KDM1A: variants seen among roughly 807,000 people sequenced by gnomAD.
The protein encoded by KDM1A is lysine-specific histone demethylase 1A.
KDM1A carries 49 observed loss-of-function variants against 109.4 expected under a neutral mutation model. The ratio of observed to expected loss-of-function variants is 0.45; its 90% confidence interval spans 0.36 to 0.57. The LOEUF (loss-of-function observed/expected upper bound fraction) is 0.57. KDM1A is among the 20% of genes least tolerant of loss of function. The pLI is 0.00. For synonymous variants in KDM1A, 380 were observed against 415.4 expected, an observed-to-expected ratio of 0.91 and a Z score of 1.04; for missense variants, 668 against 1,116.6, an observed-to-expected ratio of 0.60 and a Z score of 5.73.
At chr1:23,081,023 GAC>G (rs1330511579) in intron 18 of KDM1A, 1 of 160,370 alleles carries the variant, frequency 6.2e-6, no homozygotes, top group Admixed American at 6.2e-5. Flanking sequence ...GGTGACTGAA[GAC>G]AGTCCTGGGC....
chr1:23,070,568 G>A (rs1643287321), intron 12 of KDM1A, among the ~76,000 whole-genome samples: 1 of 152,110 alleles, frequency 6.6e-6, no homozygotes, highest in Non-Finnish European at 1.5e-5. Flanking sequence ...CAGCACTTTG[G>A]GAGGCCGAGG....
At chr1:23,065,383 A>G (rs1643132622) in intron 9 of KDM1A, among the ~76,000 whole-genome samples, 1 of 152,206 alleles carries the variant, frequency 6.6e-6, no homozygotes, top group South Asian at 2.1e-4. Flanking sequence ...AAAGGTATTA[A>G]AAAGCACATT....
intron 20 of KDM1A, 58 bp downstream of exon 20, chr1:23,082,424 T>C (rs1569835238): frequency 7.1e-7 from 1 of 1,400,502 alleles, no homozygotes; most frequent in Non-Finnish European, 9.5e-7. Flanking sequence ...TCTCATGATG[T>C]CCCTGATTTT....
At chr1:23,077,385 A>C in intron 16 of KDM1A, 25 bp downstream of exon 16, 4 of 1,600,992 alleles carry the variant, frequency 2.5e-6, no homozygotes, top group Non-Finnish European at 3.4e-6. Context: ...TACAAAAGGT[A>C]AGAGAGAACT....
intron 1 of KDM1A, among the ~76,000 whole-genome samples, chr1:23,026,110 A>G (rs1183630984): frequency 1.3e-5 from 2 of 152,144 alleles, no homozygotes; most frequent in Non-Finnish European, 2.9e-5. Context: ...AATAAAAATA[A>G]AAAAGGCAGT....
chr1:23,042,608 A>C (rs1304527689), intron 2 of KDM1A, among the ~76,000 whole-genome samples: 1 of 147,450 alleles, frequency 6.8e-6, no homozygotes, highest in Non-Finnish European at 1.5e-5. Context: ...GCCCGCCACT[A>C]CTCCCGGCTA....
chr1:23,033,499 G>A (rs1238798903), intron 2 of KDM1A, among the ~76,000 whole-genome samples: 1 of 151,998 alleles, frequency 6.6e-6, no homozygotes, highest in Non-Finnish European at 1.5e-5. Context: ...TCCAGTCTTT[G>A]TGAGAGCAAG....
intron 9 of KDM1A, among the ~76,000 whole-genome samples, chr1:23,062,537 G>T (rs1643029271): frequency 6.6e-6 from 1 of 152,224 alleles, no homozygotes; most frequent in Middle Eastern, 3.2e-3. Context: ...ACTAGTAATA[G>T]TGTCTTAAGG....
At chr1:23,036,986 T>C (rs530831812) in intron 2 of KDM1A, among the ~76,000 whole-genome samples, 1 of 152,154 alleles carries the variant, frequency 6.6e-6, no homozygotes, top group South Asian at 2.1e-4. Flanking sequence ...TGCAAAGAAT[T>C]TGTAGTCCAG....
chr1:23,066,035 C>G, intron 9 of KDM1A, 25 bp from the exon 10 acceptor site: 1 of 1,605,566 alleles, frequency 6.2e-7, no homozygotes, highest in South Asian at 1.1e-5. Flanking sequence ...CAGTTTATTT[C>G]TCTCTCTGCT....
chr1:23,019,587 G>C lies in KDM1A; in HGVS notation c.-10G>C. 1 of 1,402,448 alleles carries C rather than the reference G, an allele frequency of 7.1e-7. No individual in the cohort carries two copies. The highest frequency in any genetic ancestry group is 9.2e-7 in the Non-Finnish European group (1 of 1,087,510). 86.9% of individuals were successfully genotyped at this position (1,402,448 alleles called of 1,614,324 possible). A position where few individuals can be genotyped will look rare whatever the true frequency, so the allele number is the denominator to read the frequency against. ...GGCCCCTACGGCCGTCGGCGGCCCGGCGGCCCGAGATGTTATCTGGGAAGA... is the reference window on the plus strand; with the variant it reads ...GGCCCCTACGGCCGTCGGCGGCCCGCCGGCCCGAGATGTTATCTGGGAAGA... On this transcript the variant is annotated 5_prime_UTR_variant, in exon 1 of 21. Transcript: ENST00000400181.
At chr1:23,078,927 G>A (rs1247386226) in intron 16 of KDM1A, 63 bp from the exon 17 acceptor site, 3 of 1,328,918 alleles carry the variant, frequency 2.3e-6, no homozygotes, top group Non-Finnish European at 3.2e-6. Context: ...TACACTAAAT[G>A]TTCAGTGTCC....
intron 1 of KDM1A, among the ~76,000 whole-genome samples, chr1:23,026,007 C>T (rs1473250779): frequency 6.6e-6 from 1 of 152,156 alleles, no homozygotes; most frequent in Non-Finnish European, 1.5e-5. Flanking sequence ...AGGGGAATCA[C>T]TTGAGCCTGG....
At chr1:23,028,457 G>A (rs941655869) in intron 1 of KDM1A, among the ~76,000 whole-genome samples, 5 of 152,178 alleles carry the variant, frequency 3.3e-5, no homozygotes, top group Admixed American at 6.5e-5. Flanking sequence ...CATCCTTTGG[G>A]AAAAACTGAA....
At chr1:23,041,003 C>T (rs909400876) in intron 2 of KDM1A, among the ~76,000 whole-genome samples, 2 of 152,144 alleles carry the variant, frequency 1.3e-5, no homozygotes, top group African/African-American at 4.8e-5. Flanking sequence ...GTTAATGTGT[C>T]CTGAGCCACT....
intron 2 of KDM1A, among the ~76,000 whole-genome samples, chr1:23,041,974 T>G (rs114072618): frequency 0.011 from 1,699 of 152,190 alleles, 34 homozygotes; most frequent in African/African-American, 0.039. Flanking sequence ...AATCCATCTT[T>G]TTTTGTGAAT....
chr1:23,075,835 T>C (rs1406762567), intron 15 of KDM1A, among the ~76,000 whole-genome samples: 1 of 151,522 alleles, frequency 6.6e-6, no homozygotes, highest in Non-Finnish European at 1.5e-5. Flanking sequence ...TAGTCTCAGC[T>C]GCTTGGGAGA....
intron 15 of KDM1A, among the ~76,000 whole-genome samples, chr1:23,076,440 C>T (rs1260546200): frequency 6.6e-6 from 1 of 152,064 alleles, no homozygotes; most frequent in Non-Finnish European, 1.5e-5. Flanking sequence ...TCTTCCTCAA[C>T]TTCAAACCTG....
chr1:23,081,007 C>T lies in KDM1A; in HGVS notation c.2171-439C>T, dbSNP rs79926411. The T allele has an allele frequency of 8.6e-3, 1,357 of 157,854 alleles. 7 individuals carry two copies. The highest frequency in any genetic ancestry group is 0.012 in the Non-Finnish European group (883 of 71,738). 9.8% of individuals were successfully genotyped at this position (157,854 alleles called of 1,614,324 possible). On this transcript the variant is annotated intron_variant, in intron 18 of 20. Coordinates refer to ENST00000400181, the MANE Select transcript of KDM1A (RefSeq NM_001009999.3). ...CTAAGTCTGTTGCATAATTACTCAC[C>T]GGATGGGTGACTGAAGACAGTCCTG...
Sources: allele counts gnomAD v4.1 joint callset (sites outside exome capture counted in the v4.1 genomes callset), GRCh38; gene constraint gnomAD v4.1.1; transcripts MANE v1.5; gene names NCBI Gene and HGNC (gene_info 2026-07-23, HGNC 2026-07-21).